The following TRHDE variants were observed in gnomAD, a reference collection of about 807,000 sequenced individuals.
TRHDE encodes thyrotropin-releasing hormone-degrading ectoenzyme.
A neutral mutation model predicts 125.7 loss-of-function variants in TRHDE; 72 were observed. The ratio of observed to expected loss-of-function variants is 0.57; its 90% CI spans 0.47 to 0.70. The LOEUF is 0.70. TRHDE is among the 30% of genes least tolerant of loss of function. The pLI is 0.00. For missense variants in TRHDE, 1,110 were observed against 1,327.1 expected (o/e 0.84, Z 2.54); for synonymous variants, 509 against 509.1 (o/e 1.00, Z 0.00).
intron 3 of TRHDE, among the ~76,000 whole-genome samples, chr12:72,413,165 A>C (rs1288731984): frequency 6.6e-6 from 1 of 152,082 alleles, no homozygotes; most frequent in Admixed American, 6.6e-5. Context: ...ACAAATCCAC[A>C]TAAGTGTCAG....
intron 6 of TRHDE, among the ~76,000 whole-genome samples, chr12:72,525,516 A>G (rs1303309302): frequency 6.6e-6 from 1 of 152,000 alleles, no homozygotes; most frequent in African/African-American, 2.4e-5. Flanking sequence ...ATTGAAATTT[A>G]TACTTAAATT....
At chr12:72,613,976 T>C (rs1438601563) in intron 12 of TRHDE, among the ~76,000 whole-genome samples, 4 of 152,092 alleles carry the variant, frequency 2.6e-5, no homozygotes, top group Non-Finnish European at 5.9e-5. Context: ...CTTTTACTCA[T>C]GGTTGAAAGC....
intron 12 of TRHDE, among the ~76,000 whole-genome samples, chr12:72,588,526 C>A (rs1380803195): frequency 6.6e-6 from 1 of 152,096 alleles, no homozygotes; most frequent in African/African-American, 2.4e-5. Flanking sequence ...TGAGAATTTG[C>A]AGTTTTTTTC....
intron 6 of TRHDE, among the ~76,000 whole-genome samples, chr12:72,540,291 A>G (rs1869080814): frequency 6.6e-6 from 1 of 151,748 alleles, no homozygotes; most frequent in Non-Finnish European, 1.5e-5. Flanking sequence ...TATACAATAT[A>G]ATATAATCAG....
chr12:72,536,028 T>C (rs1008981584), intron 6 of TRHDE, among the ~76,000 whole-genome samples: 8 of 152,158 alleles, frequency 5.3e-5, no homozygotes, highest in Non-Finnish European at 8.8e-5. Flanking sequence ...GTCTCTCCTG[T>C]ATGTCAACGG....
At chr12:72,421,580 A>T (rs1457544858) in intron 3 of TRHDE, among the ~76,000 whole-genome samples, 1 of 152,204 alleles carries the variant, frequency 6.6e-6, no homozygotes, top group Non-Finnish European at 1.5e-5. Flanking sequence ...TTTGTTGGTT[A>T]CAACGGAGTC....
intron 2 of TRHDE, among the ~76,000 whole-genome samples, chr12:72,111,803 G>A (rs1214297871): frequency 1.3e-5 from 2 of 151,978 alleles, no homozygotes; most frequent in African/African-American, 2.4e-5. Flanking sequence ...CACTTAGCCG[G>A]CATCTTTCAT....
intron 3 of TRHDE, among the ~76,000 whole-genome samples, chr12:72,434,976 T>A (rs1052742703): frequency 2.6e-5 from 4 of 152,180 alleles, no homozygotes; most frequent in Middle Eastern, 3.2e-3. Flanking sequence ...CTACCTTACA[T>A]GTTTAAATGT....
chr12:72,465,209 C>CT (rs541399329), intron 3 of TRHDE, among the ~76,000 whole-genome samples: 76 of 147,750 alleles, frequency 5.1e-4, no homozygotes, highest in East Asian at 3.5e-3. Context: ...ACTGAGCTTC[C>CT]TTTTTTTTTT....
chr12:72,656,272 C>T (rs1289951419), intron 17 of TRHDE, among the ~76,000 whole-genome samples: 1 of 152,038 alleles, frequency 6.6e-6, no homozygotes, highest in African/African-American at 2.4e-5. Context: ...AGATGTTTTA[C>T]TTTAATGTAC....
At chr12:72,343,451 A>T (rs1870174180) in intron 2 of TRHDE, among the ~76,000 whole-genome samples, 1 of 152,144 alleles carries the variant, frequency 6.6e-6, no homozygotes, top group African/African-American at 2.4e-5. Context: ...CACCTGTTCA[A>T]GGGTCAACTG....
intron 3 of TRHDE, among the ~76,000 whole-genome samples, chr12:72,455,761 A>G (rs1178525925): frequency 6.6e-6 from 1 of 152,036 alleles, no homozygotes; most frequent in Middle Eastern, 3.2e-3. Flanking sequence ...TAATTTGGAG[A>G]CTTTACAAAT....
chr12:72,402,864 T>C (rs956718376), intron 3 of TRHDE, among the ~76,000 whole-genome samples: 1 of 152,202 alleles, frequency 6.6e-6, no homozygotes, highest in Non-Finnish European at 1.5e-5. Flanking sequence ...GACTCTCATA[T>C]GGTGGAGGTG....
At chr12:72,091,172 C>A (rs1464651734) in intron 1 of TRHDE, among the ~76,000 whole-genome samples, 1 of 152,084 alleles carries the variant, frequency 6.6e-6, no homozygotes, top group East Asian at 1.9e-4. Flanking sequence ...CTGTGCCAGG[C>A]CGAATTTATT....
intron 2 of TRHDE, among the ~76,000 whole-genome samples, chr12:72,129,281 A>G (rs759981655): frequency 1.3e-5 from 2 of 152,248 alleles, no homozygotes; most frequent in Non-Finnish European, 2.9e-5. Flanking sequence ...TTCAGGTGGA[A>G]GGAAAATGCT....
chr12:72,107,292 C>G (rs11179082), intron 2 of TRHDE, among the ~76,000 whole-genome samples: 1 of 152,020 alleles, frequency 6.6e-6, no homozygotes, highest in Non-Finnish European at 1.5e-5. Context: ...TTTTACTTGT[C>G]GGAAGTTCAT....
At chr12:72,592,040 A>G (rs1871708197) in intron 12 of TRHDE, among the ~76,000 whole-genome samples, 1 of 151,920 alleles carries the variant, frequency 6.6e-6, no homozygotes, top group South Asian at 2.1e-4. Context: ...AATTTGAAAA[A>G]AAAAGCTTGG....
rs1392316415 is a variant in TRHDE at position 72,668,089 on chromosome 12, C to A, written c.*4894C>A. The A allele has an allele frequency of 6.6e-6, 1 of 151,404 alleles. No individual in the cohort carries two copies. The highest frequency in any genetic ancestry group is 6.6e-5 in the Admixed American group (1 of 15,160). 9.4% of individuals were successfully genotyped at this position (151,404 alleles called of 1,614,324 possible). A position where few individuals can be genotyped will look rare whatever the true frequency, so the allele number is the denominator to read the frequency against. On this transcript the variant is annotated 3_prime_UTR_variant, in exon 19 of 19. Coordinates refer to ENST00000261180, the MANE Select transcript of TRHDE (RefSeq NM_013381.3). ...GTTCTTGTAAATTATTCTAGAATCC[C>A]AAATTTTAATTATATAAGAACAACC...
chr12:72,630,492 T>C (rs1442839397), intron 15 of TRHDE, among the ~76,000 whole-genome samples: 1 of 151,740 alleles, frequency 6.6e-6, no homozygotes, highest in Non-Finnish European at 1.5e-5. Context: ...AGAATAAATT[T>C]CTGTGATTTC....
Sources: allele counts gnomAD v4.1 joint callset (sites outside exome capture counted in the v4.1 genomes callset), GRCh38; gene constraint gnomAD v4.1.1; transcripts MANE v1.5; gene names NCBI Gene and HGNC (gene_info 2026-07-23, HGNC 2026-07-21).